CPVL: variants seen among roughly 807,000 people sequenced by gnomAD.
CPVL encodes carboxypeptidase vitellogenic like.
In CPVL, 51 loss-of-function variants were observed where a neutral mutation model predicts 63.7. The observed-to-expected ratio is 0.80, with a 90% CI of 0.64 to 1.01. CPVL has a LOEUF of 1.01. Ranked by LOEUF, CPVL falls within the 50% of genes least tolerant of loss-of-function variation. The pLI is 0.00. For synonymous variants in CPVL, 195 were observed against 206.0 expected, an observed-to-expected ratio of 0.95 and a Z score of 0.46; for missense variants, 530 against 573.1, an observed-to-expected ratio of 0.92 and a Z score of 0.77.
At chr7:29,028,373 T>A (rs1368896644) in intron 12 of CPVL, among the ~76,000 whole-genome samples, 1 of 152,096 alleles carries the variant, frequency 6.6e-6, no homozygotes, top group East Asian at 1.9e-4. Context: ...AACATAAGAC[T>A]CAAAATGATA....
chr7:29,161,913 C>T (rs568316563), intron 5 of CPVL, among the ~76,000 whole-genome samples: 1 of 152,278 alleles, frequency 6.6e-6, no homozygotes, highest in South Asian at 2.1e-4. Context: ...CAAATAAGCA[C>T]ATGAAAGATA....
upstream of CPVL, chr7:29,147,386 G>A (rs146908063): frequency 3.9e-3 from 626 of 160,908 alleles, 4 homozygotes; most frequent in Middle Eastern, 6.3e-3. Flanking sequence ...ACCCGCAGTA[G>A]AGCAGCCCAG....
chr7:29,048,501 T>G (rs1789838236), intron 11 of CPVL, among the ~76,000 whole-genome samples: 1 of 151,860 alleles, frequency 6.6e-6, no homozygotes, highest in Non-Finnish European at 1.5e-5. Flanking sequence ...TAAACACATA[T>G]GCACCTAACA....
At chr7:29,009,720 A>G (rs1785612461) in intron 12 of CPVL, 1 of 152,218 alleles carries the variant, frequency 6.6e-6, no homozygotes, top group Non-Finnish European at 1.5e-5. Flanking sequence ...TGTCTGCAGT[A>G]AAACTATTAA....
chr7:29,189,830 C>G (rs1026985136), intron 1 of CPVL, among the ~76,000 whole-genome samples: 1 of 152,128 alleles, frequency 6.6e-6, no homozygotes, highest in East Asian at 1.9e-4. Flanking sequence ...TACCCCCAAG[C>G]CCCCCTGCAG....
intron 1 of CPVL, among the ~76,000 whole-genome samples, chr7:29,132,033 A>G (rs1790752431): frequency 6.6e-6 from 1 of 152,246 alleles, no homozygotes; most frequent in Non-Finnish European, 1.5e-5. Flanking sequence ...GAGATAGGCG[A>G]GAGCTTTTAA....
At chr7:29,108,563 G>T (rs1584284879) in intron 3 of CPVL, among the ~76,000 whole-genome samples, 1 of 152,022 alleles carries the variant, frequency 6.6e-6, no homozygotes, top group South Asian at 2.1e-4. Flanking sequence ...ATTGTGACTG[G>T]TTTAGTTCTT....
rs201757273 is a variant in CPVL, at chr7:29,086,584, A to G, written c.543-34T>C. 2.8e-6 allele frequency: 4 copies of G among 1,447,054 alleles called. No individual in the cohort carries two copies. In the Admixed American group the frequency reaches 5.1e-5, roughly 18 times the overall value. 89.6% of individuals were successfully genotyped at this position (1,447,054 alleles called of 1,614,324 possible). A position where few individuals can be genotyped will look rare whatever the true frequency, so the allele number is the denominator to read the frequency against. ...AGAAGAACAAGAACAACACAAATTA[A>G]TCAGAAAAATGATTCAGGATCTCTT... On this transcript the variant is annotated intron_variant, in intron 6 of 12. Transcript: ENST00000265394.
intron 1 of CPVL, among the ~76,000 whole-genome samples, chr7:29,188,644 A>C (rs1329634495): frequency 1.3e-5 from 2 of 152,138 alleles, no homozygotes; most frequent in Non-Finnish European, 2.9e-5. Flanking sequence ...GGCAGAGGAC[A>C]TTCAGAGTAC....
At chr7:29,140,519 G>A (rs1038432400) in intron 1 of CPVL, among the ~76,000 whole-genome samples, 1 of 152,214 alleles carries the variant, frequency 6.6e-6, no homozygotes, top group Non-Finnish European at 1.5e-5. Flanking sequence ...CATAAAGCAT[G>A]AGGAATGCAG....
At chr7:29,040,801 A>G (rs1487893121) in intron 11 of CPVL, among the ~76,000 whole-genome samples, 2 of 152,162 alleles carry the variant, frequency 1.3e-5, no homozygotes, top group Non-Finnish European at 2.9e-5. Flanking sequence ...GGCCAAAAAA[A>G]ATTATTCCTG....
intron 5 of CPVL, 39 bp downstream of exon 5, chr7:29,095,044 AC>A: frequency 6.8e-7 from 1 of 1,469,664 alleles, no homozygotes; most frequent in Non-Finnish European, 9.5e-7. Context: ...AAGACAGGAG[AC>A]GCCAGCACTG....
intron 1 of CPVL, among the ~76,000 whole-genome samples, chr7:29,190,290 A>T (rs1031631495): frequency 6.6e-6 from 1 of 152,240 alleles, no homozygotes; most frequent in Non-Finnish European, 1.5e-5. Context: ...ATTTAAAGCT[A>T]GTTGACGAAT....
intron 1 of CPVL, chr7:29,192,863 A>T (rs1319993942): frequency 1.3e-5 from 2 of 152,190 alleles, no homozygotes; most frequent in Non-Finnish European, 2.9e-5. Flanking sequence ...CAGATAGTCC[A>T]CCATCTAAAG....
chr7:29,078,190 A>G (rs969080275), intron 7 of CPVL, among the ~76,000 whole-genome samples: 10 of 152,268 alleles, frequency 6.6e-5, no homozygotes, highest in Non-Finnish European at 1.3e-4. Context: ...GAAACTTGCA[A>G]AATCTACAGG....
At chr7:29,161,895 A>G (rs998202141) in intron 5 of CPVL, among the ~76,000 whole-genome samples, 5 of 152,244 alleles carry the variant, frequency 3.3e-5, no homozygotes, top group South Asian at 2.1e-4. Context: ...AAGAAGATAG[A>G]CAGTTGGCAA....
At chr7:29,177,039 A>G (rs1584576956) in intron 5 of CPVL, among the ~76,000 whole-genome samples, 1 of 152,190 alleles carries the variant, frequency 6.6e-6, no homozygotes, top group Admixed American at 6.5e-5. Flanking sequence ...GGGAAAAAAT[A>G]TAGATGGAAG....
intron 3 of CPVL, among the ~76,000 whole-genome samples, chr7:29,108,179 CCT>C (rs1255804498): frequency 6.6e-6 from 1 of 152,186 alleles, no homozygotes; most frequent in East Asian, 1.9e-4. Flanking sequence ...CTGGGCCTTT[CCT>C]CTTGGCCTGA....
rs189132095 is a variant in CPVL, at chr7:29,028,848, C to T, written c.1320+1729G>A. 7.2e-3 allele frequency among the ~76,000 whole-genome samples: 1,092 copies of T among 151,796 alleles called. 17 individuals carry two copies. The highest frequency in any genetic ancestry group is 0.024 in the African/African-American group (997 of 41,374). On this transcript the variant is annotated intron_variant, in intron 12 of 12. Coordinates refer to ENST00000265394, the MANE Select transcript of CPVL (RefSeq NM_031311.5). The stretch of plus-strand genomic sequence containing the variant: ...GGTGTGGTGGCAGGCGCCTGTAGTC[C>T]CAGCTACTCGGAAGGCTGAGGCAGG...
Sources: allele counts gnomAD v4.1 joint callset (sites outside exome capture counted in the v4.1 genomes callset), GRCh38; gene constraint gnomAD v4.1.1; transcripts MANE v1.5; gene names NCBI Gene and HGNC (gene_info 2026-07-23, HGNC 2026-07-21).